The following CCDC27 variants were observed in gnomAD, a reference collection of about 807,000 sequenced individuals.
The protein encoded by CCDC27 is coiled-coil domain-containing protein 27.
CCDC27 carries 80 observed loss-of-function variants against 80.3 expected under a neutral mutation model. The observed-to-expected ratio is 1.00, with a 90% CI of 0.83 to 1.20. The LOEUF is 1.20. CCDC27 is among the 50% of genes most tolerant of loss of function. CCDC27 has a pLI of 0.00. For synonymous variants in CCDC27, 342 were observed against 334.3 expected, an observed-to-expected ratio of 1.02 and a Z score of -0.25; for missense variants, 815 against 809.4, an observed-to-expected ratio of 1.01 and a Z score of -0.08.
In CCDC27 at chr1:3,761,004, T is replaced by C. The variant is rs1643071158; in HGVS notation, c.712-277T>C. On this transcript the variant is annotated intron_variant, in intron 4 of 11. Coordinates refer to ENST00000294600, the MANE Select transcript of CCDC27 (RefSeq NM_152492.3). The surrounding 1 kb of genome is among the most constrained non-coding windows in gnomAD (Gnocchi z 5.0). ...GCCAGGTCCGAAAGGGAAGCTGCCT[T>C]GCAACTCCTCGGACGAGGATTTAGG... Among the ~76,000 whole-genome samples the C allele has an allele frequency of 6.6e-6, 1 of 152,120 alleles. No individual in the cohort carries two copies. Among genetic ancestry groups the C allele is most frequent in the African/African-American group, 2.4e-5 (1 of 41,416 alleles).
At chr1:3,754,430 G>A (rs537903131) in intron 2 of CCDC27, among the ~76,000 whole-genome samples, 189 bp downstream of exon 2, 4 of 152,246 alleles carry the variant, frequency 2.6e-5, no homozygotes, top group South Asian at 4.1e-4. Flanking sequence ...GGGGTGGAGG[G>A]GGGCCCACTT....
Position 3,760,992 on chromosome 1 carries a change from G to A in CCDC27, c.712-289G>A, listed in dbSNP as rs1044928414. Among the ~76,000 whole-genome samples the A allele has an allele frequency of 3.3e-5, 5 of 152,172 alleles. No homozygotes were observed. The highest frequency in any genetic ancestry group is 1.2e-4 in the African/African-American group (5 of 41,446). ...GACACACCACGGGCCAGGTCCGAAA[G>A]GGAAGCTGCCTTGCAACTCCTCGGA... On this transcript the variant is annotated intron_variant, in intron 4 of 11. Coordinates refer to ENST00000294600, the MANE Select transcript of CCDC27 (RefSeq NM_152492.3). This position sits in a 1 kb window ranked among gnomAD's most constrained non-coding sequence, Gnocchi z 4.3.
Position 3,771,572 on chromosome 1 carries a change from A to G in CCDC27, c.*49A>G, listed in dbSNP as rs559326038. 2 of 1,603,670 alleles carry G rather than the reference A, an allele frequency of 1.2e-6. No individual in the cohort carries two copies. The highest frequency in any genetic ancestry group is 2.7e-5 in the African/African-American group (2 of 74,564). On this transcript the variant is annotated 3_prime_UTR_variant, in exon 12 of 12. Transcript: ENST00000294600. ...GTCAGCCCAGCAGAGGCCGGGGCCC[A>G]GCTCCAGAACCACCCGCCCCCACCA...
chr1:3,762,440 C>A (rs1199493619), intron 5 of CCDC27, among the ~76,000 whole-genome samples, 180 bp from the exon 6 acceptor site: 1 of 152,162 alleles, frequency 6.6e-6, no homozygotes, highest in Non-Finnish European at 1.5e-5. Flanking sequence ...AACTGCCCAT[C>A]CGCAGGTTCC....
At chr1:3,754,322 G>A in intron 2 of CCDC27, 81 bp downstream of exon 2, 1 of 1,455,594 alleles carries the variant, frequency 6.9e-7, no homozygotes, top group Non-Finnish European at 9.1e-7. Context: ...GCACCCTTCA[G>A]CCTGCGAGCA....
chr1:3,767,572 G>C, intron 10 of CCDC27, 127 bp downstream of exon 10: 1 of 719,958 alleles, frequency 1.4e-6, no homozygotes, highest in East Asian at 2.7e-5. Flanking sequence ...TGGTTCTGCC[G>C]TGTACACCAG....
rs1271452773 is a variant in CCDC27 at position 3,752,570 on chromosome 1, C to T, written c.89C>T (p.Thr30Ile). ...EKPGLSSFRS[T>I]FRQQSSLGLC... ...CCGGGCCTGTCCTCATTCAGGTCCA[C>T]ATTCAGGCAACAAAGCTCACTTGGT... is the stretch of plus-strand genomic sequence containing the variant. The change falls in exon 1 of 12, where the codon ACA (threonine) becomes ATA (isoleucine). Residue 30 changes from threonine (T) to isoleucine (I), a missense_variant. Physicochemically the swap from Thr to Ile is moderately conservative, Grantham distance 89. Coordinates refer to ENST00000294600, the MANE Select transcript of CCDC27 (RefSeq NM_152492.3). The T allele has an allele frequency of 2.5e-6, 4 of 1,614,196 alleles. No individual in the cohort carries two copies. In the South Asian group the frequency reaches 4.4e-5, roughly 18 times the overall value.
At position 3,763,956 on chromosome 1, in the gene CCDC27, G is replaced by A. The variant is rs1454712536; in HGVS notation, c.1452+120G>A. On this transcript the variant is annotated intron_variant, in intron 8 of 11. Transcript: ENST00000294600. The surrounding 1 kb of genome is among the most constrained non-coding windows in gnomAD (Gnocchi z 7.5). The stretch of plus-strand genomic sequence containing the variant: ...TCTACTGATGGAGACTTTGAGCCTG[G>A]GGTGTCCAGGCAGCTGGCCCAGGGT... 3.5e-6 allele frequency: 5 copies of A among 1,443,730 alleles called. No homozygotes were observed. The African/African-American group carries it at 4.3e-5, about 12-fold the overall frequency. 89.4% of individuals were successfully genotyped at this position (1,443,730 alleles called of 1,614,324 possible).
rs760469532 is a variant in CCDC27 at position 3,755,463 on chromosome 1, CCACT to C, written c.450_453del (p.Thr151ArgfsTer58). 1.2e-6 allele frequency: 2 copies of C among 1,614,024 alleles called. No individual in the cohort carries two copies. Among genetic ancestry groups the C allele is most frequent in the Non-Finnish European group, 1.7e-6 (2 of 1,179,886 alleles). ...CATCTTTAACACTCTACAGGTTCAC[CCACT>C]GAGGCCGATTTGTCCGGAGAGATTG... On this transcript the variant is annotated frameshift_variant, in exon 3 of 12. Coordinates refer to ENST00000294600, the MANE Select transcript of CCDC27 (RefSeq NM_152492.3). LOFTEE classifies it high-confidence loss of function.
At chr1:3,767,208 C>A in intron 9 of CCDC27, 25 bp from the exon 10 acceptor site, 9 of 1,610,406 alleles carry the variant, frequency 5.6e-6, no homozygotes, top group Non-Finnish European at 6.8e-6. Context: ...GACCCCACCT[C>A]TTTTTTCTCC....
rs765796565 is a variant in CCDC27, at chr1:3,754,188, C to T, written c.389C>T (p.Thr130Met). Residue 130 changes from threonine to methionine, a missense_variant, in exon 2 of 12, where the codon ACG (threonine) becomes ATG (methionine). Thr to Met is a moderately conservative substitution (Grantham distance 81). Transcript: ENST00000294600. ...SKMELRRVFPTHPDCPQFSTR... is the reference protein window; with the variant it reads ...SKMELRRVFPMHPDCPQFSTR... Reference sequence around the variant, plus strand: ...ATGGAACTTCGAAGGGTCTTCCCCACGCATCCTGACTGCCCCCAGTTCAGC... The same window carrying T: ...ATGGAACTTCGAAGGGTCTTCCCCATGCATCCTGACTGCCCCCAGTTCAGC... 3.5e-5 allele frequency: 56 copies of T among 1,613,596 alleles called. 1 individual carries two copies. The Middle Eastern group carries it at 4.9e-4, about 14-fold the overall frequency.
intron 2 of CCDC27, 148 bp from the exon 3 acceptor site, chr1:3,755,309 G>A (rs954668639): frequency 1.5e-5 from 10 of 683,384 alleles, no homozygotes; most frequent in African/African-American, 1.2e-4. Flanking sequence ...CCACCCTTTG[G>A]TTCAGCCCTT....
rs142677270 is a variant in CCDC27, at chr1:3,766,547, C to T, written c.1465C>T (p.Arg489Ter). 1.2e-5 allele frequency: 20 copies of T among 1,613,506 alleles called. No individual in the cohort carries two copies. Among genetic ancestry groups the T allele is most frequent in the South Asian group, 5.5e-5 (5 of 91,016 alleles). ...TGTCTCCTTCCAGTTCTCCAACCTCCGAGAAGATAAGAAACACCAAGAGAT... is the reference window on the plus strand; with the variant it reads ...TGTCTCCTTCCAGTTCTCCAACCTCTGAGAAGATAAGAAACACCAAGAGAT... ...QAMTDKFSNL[R>*]EDKKHQEMMG... is the part of the protein sequence containing the mutation. The change falls in exon 9 of 12, where the codon CGA (arginine) becomes TGA (stop). Residue 489 changes from arginine to a stop codon, truncating the protein, a stop_gained. Coordinates refer to ENST00000294600, the MANE Select transcript of CCDC27 (RefSeq NM_152492.3). LOFTEE classifies it high-confidence loss of function. The surrounding 1 kb of genome is among the most constrained non-coding windows in gnomAD (Gnocchi z 6.1).
At chr1:3,755,380 A>T in intron 2 of CCDC27, 77 bp from the exon 3 acceptor site, 1 of 1,241,618 alleles carries the variant, frequency 8.1e-7, no homozygotes, top group Non-Finnish European at 1.2e-6. Context: ...GTTTAAGGAT[A>T]AATAAGAGTC....
chr1:3,763,161 T>C lies in CCDC27; in HGVS notation c.1008T>C (p.Gly336=). The C allele has an allele frequency of 6.7e-7, 1 of 1,486,610 alleles. No homozygotes were observed. Among genetic ancestry groups the C allele is most frequent in the South Asian group, 1.4e-5 (1 of 71,860 alleles). The allele number at this position is 1,486,610 out of a possible 1,614,324, so 92.1% of individuals were successfully genotyped here. The change falls in exon 7 of 12, where the codon GGT becomes GGC. Residue 336 remains glycine, a synonymous_variant. Transcript: ENST00000294600. The surrounding 1 kb of genome is among the most constrained non-coding windows in gnomAD (Gnocchi z 7.5). The stretch of plus-strand genomic sequence containing the variant: ...GGGGCAAGGAGCCCGACCTGGGAGG[T>C]GGCGAGGAGGACGAGGGCCTGGAAG... ...PERGKEPDLG[G]GEEDEGLEGE...
chr1:3,771,422 G>A lies in CCDC27; in HGVS notation c.1870G>A (p.Asp624Asn). The A allele has an allele frequency of 6.2e-7, 1 of 1,614,020 alleles. No homozygotes were observed. Among genetic ancestry groups the A allele is most frequent in the Non-Finnish European group, 8.5e-7 (1 of 1,179,988 alleles). Residue 624 changes from aspartate (D) to asparagine (N), a missense_variant, in exon 12 of 12, where the codon GAC (aspartate) becomes AAC (asparagine). Transcript: ENST00000294600. ...GTAGAGAATTATCTCAGAGAGAAGC[G>A]ACTACTATAATCAGCTGAAGCAGAA... ...ALQRIISERSDYYNQLKQKGV... is the reference protein window; with the variant it reads ...ALQRIISERSNYYNQLKQKGV...
At chr1:3,755,623 C>T in intron 3 of CCDC27, 56 bp downstream of exon 3, 3 of 1,419,400 alleles carry the variant, frequency 2.1e-6, no homozygotes, top group Non-Finnish European at 3.0e-6. Flanking sequence ...AGCTCGAGGC[C>T]TGCTTCTTGC....
rs1311603909 is a variant in CCDC27, at chr1:3,771,589, C to T, written c.*66C>T. On this transcript the variant is annotated 3_prime_UTR_variant, in exon 12 of 12. Transcript: ENST00000294600. Reference sequence around the variant, plus strand: ...CGGGGCCCAGCTCCAGAACCACCCGCCCCCACCATGCGTCCTGCTCTCAGA... The same window carrying T: ...CGGGGCCCAGCTCCAGAACCACCCGTCCCCACCATGCGTCCTGCTCTCAGA... 4.5e-6 allele frequency: 7 copies of T among 1,557,736 alleles called. No individual in the cohort carries two copies. The highest frequency in any genetic ancestry group is 6.1e-6 in the Non-Finnish European group (7 of 1,144,146).
At chr1:3,756,448 G>C in intron 3 of CCDC27, 1 of 297,202 alleles carries the variant, frequency 3.4e-6, no homozygotes, top group Non-Finnish European at 6.4e-6. Flanking sequence ...CCGACTCCCA[G>C]CTCCGGCTCG....
Sources: gnomAD v4.1 joint callset for allele counts (sites outside exome capture counted in the v4.1 genomes callset) on GRCh38, gnomAD v4.1.1 for gene constraint, Gnocchi (gnomAD v3.1) non-coding constraint, MANE v1.5 for transcripts, NCBI Gene and HGNC (gene_info 2026-07-23, HGNC 2026-07-21) for gene names.